CPZ: variants seen among roughly 807,000 people sequenced by gnomAD.
CPZ encodes VEZT/CPZ fusion.
A neutral mutation model predicts 61.8 loss-of-function variants in CPZ; 103 were observed. That is an observed-to-expected ratio of 1.67 (90% CI 1.42 to 1.96). The LOEUF is 1.96. CPZ is among the 30% of genes most tolerant of loss of function. CPZ has a pLI of 0.00. For missense variants in CPZ, 1,461 were observed against 914.9 expected (o/e 1.60, Z -7.70); for synonymous variants, 551 against 373.7 (o/e 1.47, Z -5.47).
At chr4:8,609,532 C>T (rs146230210) in intron 7 of CPZ, among the ~76,000 whole-genome samples, 173 of 136,958 alleles carry the variant, frequency 1.3e-3, no homozygotes, top group African/African-American at 5.2e-3. Context: ...GGTGACTGGG[C>T]GGCCTCCACT....
intron 9 of CPZ, 41 bp from the exon 10 acceptor site, chr4:8,618,388 G>C: frequency 6.3e-7 from 1 of 1,595,878 alleles, no homozygotes; most frequent in Non-Finnish European, 8.6e-7. Flanking sequence ...CTCAGCAGGA[G>C]AGCTCACGCC....
chr4:8,606,121 A>G lies in CPZ; in HGVS notation c.842A>G (p.Asn281Ser). Reference sequence around the variant, plus strand: ...AACCCCCGCATCCAGCGCCTGCTCAACACCACCCGCATCCACCTGCTGCCC... The same window carrying G: ...AACCCCCGCATCCAGCGCCTGCTCAGCACCACCCGCATCCACCTGCTGCCC... Reference protein sequence around the residue: ...LGNPRIQRLLNTTRIHLLPSM... With the variant: ...LGNPRIQRLLSTTRIHLLPSM... The change falls in exon 5 of 11, where the codon AAC becomes AGC. Residue 281 changes from asparagine to serine, a missense_variant. Coordinates refer to ENST00000360986, the MANE Select transcript of CPZ (RefSeq NM_001014447.3). The G allele has an allele frequency of 6.2e-7, 1 of 1,614,134 alleles. No homozygotes were observed.
At chr4:8,617,253 C>T (rs947501315) in intron 9 of CPZ, among the ~76,000 whole-genome samples, 1 of 152,228 alleles carries the variant, frequency 6.6e-6, no homozygotes, top group Non-Finnish European at 1.5e-5. Flanking sequence ...GCTTTGGCCT[C>T]ATGAACATTT....
intron 9 of CPZ, among the ~76,000 whole-genome samples, chr4:8,617,633 C>G (rs1468601701): frequency 6.6e-6 from 1 of 152,176 alleles, no homozygotes; most frequent in African/African-American, 2.4e-5. Context: ...AGCCCTTTCC[C>G]TTGAGAATCT....
At position 8,607,140 on chromosome 4, in the gene CPZ, GT is replaced by G. The variant is rs1048278665; in HGVS notation, c.1069-126del. ...CAGTGATGGGGGCCGAGTCCAGCTG[GT>G]GCGTTGATGTAGAGACCGTTAATAG... On this transcript the variant is annotated intron_variant, in intron 6 of 10. Coordinates refer to ENST00000360986, the MANE Select transcript of CPZ (RefSeq NM_001014447.3). 12 of 1,205,862 alleles carry G rather than the reference GT, an allele frequency of 1.0e-5. No homozygotes were observed. The African/African-American group carries it at 1.5e-4, about 15-fold the overall frequency. The allele number at this position is 1,205,862 out of a possible 1,614,324, so 74.7% of individuals were successfully genotyped here. A position where few individuals can be genotyped will look rare whatever the true frequency, so the allele number is the denominator to read the frequency against.
intron 5 of CPZ, 59 bp downstream of exon 5, chr4:8,606,244 C>T (rs975017562): frequency 2.1e-5 from 32 of 1,493,784 alleles, no homozygotes; most frequent in Non-Finnish European, 2.7e-5. Context: ...CCTCATTCAT[C>T]CATTTATGAG....
At chr4:8,597,937 G>C (rs1463802501) in intron 1 of CPZ, among the ~76,000 whole-genome samples, 7 of 152,198 alleles carry the variant, frequency 4.6e-5, no homozygotes, top group Non-Finnish European at 1.0e-4. Flanking sequence ...TTGGCACCTG[G>C]GCCCGGTGGT....
intron 2 of CPZ, 169 bp from the exon 3 acceptor site, chr4:8,600,954 C>G (rs1427159690): frequency 2.2e-6 from 3 of 1,368,366 alleles, no homozygotes. Context: ...TGGTCTCTCA[C>G]AGGCTCTGAT....
intron 7 of CPZ, among the ~76,000 whole-genome samples, chr4:8,609,246 TCA>T (rs1560298314): frequency 6.5e-4 from 41 of 63,440 alleles, no homozygotes; most frequent in Non-Finnish European, 1.8e-4. Context: ...ACTCATTCAC[TCA>T]TCACTCACTC....
intron 9 of CPZ, among the ~76,000 whole-genome samples, chr4:8,616,275 T>C (rs1038297065): frequency 2.6e-5 from 4 of 152,156 alleles, no homozygotes; most frequent in African/African-American, 9.6e-5. Flanking sequence ...CTACATCACC[T>C]GGGGCGAGGG....
intron 7 of CPZ, among the ~76,000 whole-genome samples, chr4:8,609,215 TTC>T (rs1560298187): frequency 1.0e-4 from 4 of 39,582 alleles, no homozygotes; most frequent in African/African-American, 2.6e-4. Flanking sequence ...CACTTACTCA[TTC>T]ACTTACTCAC....
chr4:8,606,029 C>A lies in CPZ; in HGVS notation c.750C>A (p.Asn250Lys). The part of the protein sequence containing the change: ...EVKLIGNIHG[N>K]EVAGREMLIY... ...AGCTCATCGGCAACATTCATGGCAA[C>A]GAGGTGGCGGGCCGGGAGATGCTCA... Residue 250 changes from asparagine (N) to lysine (K), a missense_variant, in exon 5 of 11, where the codon AAC (asparagine) becomes AAA (lysine). Coordinates refer to ENST00000360986, the MANE Select transcript of CPZ (RefSeq NM_001014447.3). The A allele has an allele frequency of 1.2e-6, 2 of 1,614,092 alleles. No homozygotes were observed. Among genetic ancestry groups the A allele is most frequent in the African/African-American group, 1.3e-5 (1 of 75,024 alleles).
chr4:8,616,974 T>C (rs9990930), intron 9 of CPZ, among the ~76,000 whole-genome samples: 1,963 of 152,298 alleles, frequency 0.013, 43 homozygotes, highest in African/African-American at 0.045. Context: ...CCATGTGCTC[T>C]GGGTTCCCGA....
intron 7 of CPZ, among the ~76,000 whole-genome samples, chr4:8,608,447 G>C (rs956135121): frequency 2.0e-5 from 3 of 152,228 alleles, no homozygotes; most frequent in African/African-American, 7.2e-5. Flanking sequence ...ACCCGGCCGA[G>C]CACATAGCTG....
At chr4:8,609,227 C>CTTACTCATTGACTTAT (rs1553877702) in intron 7 of CPZ, among the ~76,000 whole-genome samples, 3 of 150,362 alleles carry the variant, frequency 2.0e-5, no homozygotes, top group African/African-American at 7.4e-5. Context: ...CACTTACTCA[C>CTTACTCATTGACTTAT]TCATTGTCAC....
rs1177057744 is a variant in CPZ at position 8,604,088 on chromosome 4, C to T, written c.609C>T (p.Arg203=). Residue 203 remains arginine (R), a synonymous_variant, in exon 4 of 11, where the codon CGC becomes CGT. Coordinates refer to ENST00000360986, the MANE Select transcript of CPZ (RefSeq NM_001014447.3). ...MVRVLRRTAS[R]CAHVARTYSI... ...GTGTGCTGAGGCGGACGGCCTCCCG[C>T]TGCGCCCACGTGGCCAGGACCTACA... is the stretch of plus-strand genomic sequence containing the variant. 8.1e-6 allele frequency: 13 copies of T among 1,609,146 alleles called. No individual in the cohort carries two copies. Among genetic ancestry groups the T allele is most frequent in the Middle Eastern group, 1.7e-4 (1 of 6,042 alleles).
intron 9 of CPZ, 54 bp downstream of exon 9, chr4:8,614,552 G>T: frequency 1.3e-6 from 2 of 1,583,904 alleles, no homozygotes; most frequent in Non-Finnish European, 1.7e-6. Context: ...GGTGGGGTGG[G>T]TCACATTCAG....
intron 1 of CPZ, 140 bp from the exon 2 acceptor site, chr4:8,599,313 T>G: frequency 1.0e-6 from 1 of 969,650 alleles, no homozygotes; most frequent in South Asian, 2.0e-5. Flanking sequence ...CAGGGGCTGC[T>G]GTGAAGACTC....
intron 1 of CPZ, among the ~76,000 whole-genome samples, chr4:8,598,957 C>T (rs1714374264): frequency 1.3e-5 from 2 of 152,242 alleles, no homozygotes; most frequent in Admixed American, 1.3e-4. Context: ...GCCTGCGTGG[C>T]TGACTCTGGG....
Sources: gnomAD v4.1 joint callset for allele counts (sites outside exome capture counted in the v4.1 genomes callset) on GRCh38, gnomAD v4.1.1 for gene constraint, MANE v1.5 for transcripts, NCBI Gene and HGNC (gene_info 2026-07-23, HGNC 2026-07-21) for gene names.